The following ANKRD29 variants were observed in gnomAD, a reference collection of about 807,000 sequenced individuals.
ANKRD29 encodes ankyrin repeat domain-containing protein 29.
Under a neutral mutation model 38.0 loss-of-function variants are expected in ANKRD29, and 32 were observed. That is an observed-to-expected ratio of 0.84 (90% confidence interval 0.64 to 1.13). The LOEUF is 1.13. ANKRD29 is among the 50% of genes most tolerant of loss of function. The pLI, the probability that ANKRD29 is intolerant of heterozygous loss-of-function variation, is 0.00. For synonymous variants in ANKRD29, 135 were observed against 152.4 expected, an observed-to-expected ratio of 0.89 and a Z score of 0.84; for missense variants, 357 against 377.9, an observed-to-expected ratio of 0.94 and a Z score of 0.46.
At chr18:23,662,613 GCCCACCCCATCCCAC>G in intron 1 of ANKRD29, 82 bp downstream of exon 1, 1 of 403,938 alleles carries the variant, frequency 2.5e-6, no homozygotes, top group Non-Finnish European at 4.5e-6. Flanking sequence ...AGCGGGCAGC[GCCCACCCCATCCCAC>G]CCCATCCCAC....
At chr18:23,619,895 C>A (rs979284190) in intron 6 of ANKRD29, 12 of 447,240 alleles carry the variant, frequency 2.7e-5, no homozygotes, top group Non-Finnish European at 4.0e-5. Flanking sequence ...ATAAAATCAT[C>A]CATTTTGTGG....
chr18:23,616,091 A>G (rs1246721296), intron 8 of ANKRD29, among the ~76,000 whole-genome samples: 1 of 150,300 alleles, frequency 6.7e-6, no homozygotes, highest in Non-Finnish European at 1.5e-5. Flanking sequence ...CTCTACACAT[A>G]CCGTATGTAT....
At chr18:23,622,444 C>A (rs575555501) in intron 6 of ANKRD29, among the ~76,000 whole-genome samples, 9 of 152,154 alleles carry the variant, frequency 5.9e-5, no homozygotes, top group Non-Finnish European at 1.3e-4. Context: ...GAGAGGCAGC[C>A]AGCTGTCTAT....
At chr18:23,606,262 C>T (rs2059573858) in intron 9 of ANKRD29, among the ~76,000 whole-genome samples, 1 of 152,150 alleles carries the variant, frequency 6.6e-6, no homozygotes, top group Admixed American at 6.5e-5. Flanking sequence ...CAGGCACACA[C>T]CACCATGCCC....
At chr18:23,606,295 T>C (rs185316202) in intron 9 of ANKRD29, among the ~76,000 whole-genome samples, 1 of 152,266 alleles carries the variant, frequency 6.6e-6, no homozygotes, top group Non-Finnish European at 1.5e-5. Context: ...TGTTTTTTAA[T>C]TTCTTAAAGA....
chr18:23,619,273 G>C, intron 7 of ANKRD29: 1 of 452,064 alleles, frequency 2.2e-6, no homozygotes. Flanking sequence ...AGGCCCCCAG[G>C]ACAGGCGGGA....
At chr18:23,633,428 A>G (rs1022554057) in intron 5 of ANKRD29, among the ~76,000 whole-genome samples, 6 of 152,208 alleles carry the variant, frequency 3.9e-5, no homozygotes, top group Non-Finnish European at 5.9e-5. Context: ...CAGCAAGTCC[A>G]TATGCTGGGC....
intron 4 of ANKRD29, among the ~76,000 whole-genome samples, chr18:23,638,215 C>G (rs527942567): frequency 6.6e-6 from 1 of 151,766 alleles, no homozygotes; most frequent in Non-Finnish European, 1.5e-5. Context: ...TTGATCAGGC[C>G]GGTCTCGAAC....
intron 3 of ANKRD29, 22 bp from the exon 4 acceptor site, chr18:23,638,969 G>A: frequency 2.0e-6 from 3 of 1,529,882 alleles, no homozygotes; most frequent in Non-Finnish European, 2.7e-6. Flanking sequence ...GGAGAGGCTA[G>A]TTTTAAAAGA....
At chr18:23,623,767 C>T (rs1477910150) in intron 6 of ANKRD29, among the ~76,000 whole-genome samples, 1 of 151,942 alleles carries the variant, frequency 6.6e-6, no homozygotes, top group Admixed American at 6.6e-5. Flanking sequence ...CTCAGCCTCC[C>T]GAGTAGCTGG....
chr18:23,655,183 A>C lies in ANKRD29; in HGVS notation c.22-5990T>G, dbSNP rs375573642. On this transcript the variant is annotated intron_variant, in intron 1 of 9. Coordinates refer to ENST00000592179, the MANE Select transcript of ANKRD29 (RefSeq NM_173505.4). ...AAATTTTAAGCCCCCCCACTGACTG[A>C]GTGAACCCCCCTCTTGGCCCAGGGG... Among the ~76,000 whole-genome samples the C allele has an allele frequency of 6.7e-4, 92 of 137,890 alleles. 2 individuals are homozygous for C. The South Asian group carries it at 0.025, about 37-fold the overall frequency. The allele number at this position is 137,890 out of a possible 152,430, so 90.5% of individuals were successfully genotyped here. A position where few individuals can be genotyped will look rare whatever the true frequency, so the allele number is the denominator to read the frequency against.
In ANKRD29 at chr18:23,662,763, T is replaced by A. The variant is rs2145750133; in HGVS notation, c.-33A>T. 4.1e-6 allele frequency: 6 copies of A among 1,452,524 alleles called. No individual in the cohort carries two copies. Among genetic ancestry groups the A allele is most frequent in the Non-Finnish European group, 9.0e-7 (1 of 1,105,484 alleles). 90.0% of individuals were successfully genotyped at this position (1,452,524 alleles called of 1,614,324 possible). On this transcript the variant is annotated 5_prime_UTR_variant, in exon 1 of 10. It adds an upstream start codon to the 5' untranslated region. Transcript: ENST00000592179. ...GCCGCCCGAGCGGGAGCCGGCGCGC[T>A]TTGGGCCCGGGGCGCCTTGTCCTCC...
At chr18:23,641,402 C>T (rs1363460458) in intron 3 of ANKRD29, among the ~76,000 whole-genome samples, 1 of 152,262 alleles carries the variant, frequency 6.6e-6, no homozygotes, top group Admixed American at 6.5e-5. Flanking sequence ...GCACCTGCTC[C>T]AGTGCGGAGC....
At chr18:23,633,549 A>G (rs1185753021) in intron 5 of ANKRD29, among the ~76,000 whole-genome samples, 6 of 152,172 alleles carry the variant, frequency 3.9e-5, no homozygotes, top group African/African-American at 1.4e-4. Flanking sequence ...GAGAACAAAG[A>G]TGGGTAAATA....
intron 1 of ANKRD29, among the ~76,000 whole-genome samples, chr18:23,652,142 G>A (rs979710416): frequency 6.6e-6 from 1 of 152,166 alleles, no homozygotes; most frequent in Non-Finnish European, 1.5e-5. Context: ...AAATGGGCAG[G>A]TGCTCCTGTC....
At chr18:23,645,094 T>C (rs574762181) in intron 3 of ANKRD29, among the ~76,000 whole-genome samples, 9 of 152,256 alleles carry the variant, frequency 5.9e-5, no homozygotes, top group African/African-American at 2.2e-4. Flanking sequence ...TGGGATAAAA[T>C]AAGGCTGGAC....
intron 1 of ANKRD29, among the ~76,000 whole-genome samples, chr18:23,655,272 C>T (rs935390611): frequency 2.6e-5 from 4 of 151,456 alleles, no homozygotes; most frequent in African/African-American, 9.7e-5. Context: ...TATCTCATTA[C>T]ACTTCACTCC....
intron 1 of ANKRD29, among the ~76,000 whole-genome samples, chr18:23,653,423 GTAT>G (rs1181571642): frequency 6.6e-6 from 1 of 152,030 alleles, no homozygotes; most frequent in African/African-American, 2.4e-5. Flanking sequence ...GCTAATTTTT[GTAT>G]TATTAGTAGA....
intron 7 of ANKRD29, among the ~76,000 whole-genome samples, chr18:23,619,081 G>GTAT (rs1334983155): frequency 6.6e-6 from 1 of 152,252 alleles, no homozygotes; most frequent in Non-Finnish European, 1.5e-5. Context: ...CACAAAGGCA[G>GTAT]TATTAGGTGG....
Sources: allele counts gnomAD v4.1 joint callset (sites outside exome capture counted in the v4.1 genomes callset), GRCh38; gene constraint gnomAD v4.1.1; transcripts MANE v1.5; gene names NCBI Gene and HGNC (gene_info 2026-07-23, HGNC 2026-07-21).